Variants in SAMD4A observed in about 807,000 individuals in gnomAD.
SAMD4A encodes the protein protein Smaug homolog 1.
In SAMD4A, 33 loss-of-function variants were observed where a neutral mutation model predicts 81.3. The observed-to-expected ratio is 0.41, with a 90% CI of 0.31 to 0.54. The LOEUF (loss-of-function observed/expected upper bound fraction) is 0.54. Among genes scored for constraint, SAMD4A ranks in the 20% least tolerant of loss-of-function variants. The pLI is 0.37. For missense variants in SAMD4A, 854 were observed against 951.1 expected, an observed-to-expected ratio of 0.90 and a Z score of 1.34; for synonymous variants, 389 against 382.1, an observed-to-expected ratio of 1.02 and a Z score of -0.21.
chr14:54,696,721 T>G (rs1000692116), intron 2 of SAMD4A: 6 of 152,258 alleles, frequency 3.9e-5, no homozygotes, highest in Non-Finnish European at 7.3e-5. Flanking sequence ...TGGTCTTTAA[T>G]TATAGCTCTT....
chr14:54,772,418 A>C (rs913192416), intron 9 of SAMD4A, among the ~76,000 whole-genome samples: 1 of 152,204 alleles, frequency 6.6e-6, no homozygotes, highest in Non-Finnish European at 1.5e-5. Flanking sequence ...CTGGCTTTGT[A>C]ATAACCCTCG....
chr14:54,670,175 T>C lies in SAMD4A; in HGVS notation c.197-31887T>C, dbSNP rs1416423355. 2.0e-5 allele frequency among the ~76,000 whole-genome samples: 3 copies of C among 152,100 alleles called. No individual in the cohort carries two copies. The East Asian group carries it at 5.8e-4, about 29-fold the overall frequency. On this transcript the variant is annotated intron_variant, in intron 2 of 12. Coordinates refer to ENST00000554335, the MANE Select transcript of SAMD4A (RefSeq NM_015589.6). Reference sequence around the variant, plus strand: ...CAAGTCTGTCTGGCCCCATCCCTCATTCCCCGCCCCCATCTGCACCACCCT... The same window carrying C: ...CAAGTCTGTCTGGCCCCATCCCTCACTCCCCGCCCCCATCTGCACCACCCT...
At chr14:54,784,147 G>A (rs942598536) in intron 11 of SAMD4A, 1 of 569,774 alleles carries the variant, frequency 1.8e-6, no homozygotes, top group Non-Finnish European at 3.2e-6. Flanking sequence ...GTAGGAGGGG[G>A]CCTGGGGCAG....
At chr14:54,712,895 T>C (rs2037026215) in intron 3 of SAMD4A, among the ~76,000 whole-genome samples, 1 of 152,100 alleles carries the variant, frequency 6.6e-6, no homozygotes, top group Admixed American at 6.5e-5. Flanking sequence ...ACTTTAAAAA[T>C]AGGATGGATT....
Position 54,737,111 on chromosome 14 carries a change from A to G in SAMD4A, c.803A>G (p.His268Arg), listed in dbSNP as rs745554355. The stretch of plus-strand genomic sequence containing the variant: ...AATGTGCCAAACCAGCCTCTAGGAC[A>G]TGGATGGATGTCTCATGAGGACTTA... ...PMNVPNQPLG[H>R]GWMSHEDLRA... Residue 268 changes from histidine (H) to arginine (R), a missense_variant, in exon 4 of 13, where the codon CAT becomes CGT. Physicochemically the swap from His to Arg is conservative, Grantham distance 29. Around this residue, in one of 3 missense-constraint regions of SAMD4A, gnomAD observed 387 missense variants for 405.8 expected, o/e 0.95. Transcript: ENST00000554335. 3 of 1,614,070 alleles carry G rather than the reference A, an allele frequency of 1.9e-6. No homozygotes were observed. Among genetic ancestry groups the G allele is most frequent in the Admixed American group, 3.3e-5 (2 of 60,014 alleles).
intron 2 of SAMD4A, among the ~76,000 whole-genome samples, chr14:54,616,494 A>T (rs936443606): frequency 6.6e-6 from 1 of 152,210 alleles, no homozygotes; most frequent in African/African-American, 2.4e-5. Flanking sequence ...GGTTGTGTCC[A>T]TCAGTGCTCT....
chr14:54,639,953 A>G (rs1464224739), intron 2 of SAMD4A, among the ~76,000 whole-genome samples: 1 of 151,932 alleles, frequency 6.6e-6, no homozygotes, highest in Non-Finnish European at 1.5e-5. Context: ...AATTCTGCTT[A>G]TTTTCAATAG....
At chr14:54,609,834 A>G (rs1358554403) in intron 2 of SAMD4A, among the ~76,000 whole-genome samples, 1 of 152,236 alleles carries the variant, frequency 6.6e-6, no homozygotes, top group East Asian at 1.9e-4. Context: ...AAACTTGCTT[A>G]CAGGACCAAA....
intron 2 of SAMD4A, among the ~76,000 whole-genome samples, chr14:54,573,236 T>C (rs1416947628): frequency 1.3e-5 from 2 of 152,226 alleles, no homozygotes; most frequent in African/African-American, 4.8e-5. Context: ...AATTTGGGTT[T>C]GGTTGTATCG....
intron 2 of SAMD4A, among the ~76,000 whole-genome samples, chr14:54,695,080 TA>T (rs1470896376): frequency 6.6e-6 from 1 of 152,212 alleles, no homozygotes; most frequent in Non-Finnish European, 1.5e-5. Flanking sequence ...GTCCACTACA[TA>T]GATGCCTGCC....
intron 2 of SAMD4A, among the ~76,000 whole-genome samples, chr14:54,677,867 G>A (rs1318874033): frequency 6.6e-6 from 1 of 152,148 alleles, no homozygotes; most frequent in African/African-American, 2.4e-5. Context: ...GTCTTTTGGG[G>A]TTTACACTAG....
chr14:54,784,173 G>A, intron 11 of SAMD4A: 2 of 605,992 alleles, frequency 3.3e-6, no homozygotes, highest in Non-Finnish European at 3.0e-6. Flanking sequence ...AGGAAGGAGA[G>A]AGCTGTATGA....
chr14:54,784,723 G>T, intron 12 of SAMD4A, 103 bp downstream of exon 12: 1 of 1,059,618 alleles, frequency 9.4e-7, no homozygotes. Context: ...GGAGAATTGG[G>T]GGAGGACAAG....
Position 54,760,373 on chromosome 14 carries a change from C to T in SAMD4A, c.1389C>T (p.Pro463=), listed in dbSNP as rs1266194682. The T allele has an allele frequency of 3.2e-6, 5 of 1,553,634 alleles. No individual in the cohort carries two copies. The highest frequency in any genetic ancestry group is 2.4e-5 in the East Asian group (1 of 41,924). ...GAAATGATAT[P]SAGASGGLQP... ...CAGCCACTGGCGCCACGGCCACCCC[C>T]TCGGCCGGGGCCAGCGGGGGGCTCC... is the stretch of plus-strand genomic sequence containing the variant. The change falls in exon 7 of 13, where the codon CCC becomes CCT. Residue 463 remains proline (P), a synonymous_variant. Coordinates refer to ENST00000554335, the MANE Select transcript of SAMD4A (RefSeq NM_015589.6).
chr14:54,678,512 TGTGTAG>T (rs2036047165), intron 2 of SAMD4A, among the ~76,000 whole-genome samples: 2 of 112,624 alleles, frequency 1.8e-5, no homozygotes, highest in East Asian at 2.7e-4. Context: ...TGTGTGTGTG[TGTGTAG>T]GTCAGGTGGG....
At chr14:54,584,797 C>T (rs887990641) in intron 2 of SAMD4A, among the ~76,000 whole-genome samples, 77 of 152,214 alleles carry the variant, frequency 5.1e-4, no homozygotes, top group African/African-American at 1.7e-3. Context: ...GAATTTGACA[C>T]GTAGGCTATT....
rs1449395610 is a variant in SAMD4A at position 54,790,442 on chromosome 14, G to T, written c.*1498G>T. ...GGGAGGAAAAAGACACTCGTTACTT[G>T]GTGGGAGATTGAGAAACTGTGGTAC... is the stretch of plus-strand genomic sequence containing the variant. On this transcript the variant is annotated 3_prime_UTR_variant, in exon 13 of 13. Coordinates refer to ENST00000554335, the MANE Select transcript of SAMD4A (RefSeq NM_015589.6). 6.6e-6 allele frequency: 1 copy of T among 152,212 alleles called. No individual in the cohort carries two copies. Among genetic ancestry groups the T allele is most frequent in the African/African-American group, 2.4e-5 (1 of 41,454 alleles). 9.4% of individuals were successfully genotyped at this position (152,212 alleles called of 1,614,324 possible).
At chr14:54,666,276 G>A (rs1021164963) in intron 2 of SAMD4A, among the ~76,000 whole-genome samples, 1 of 152,220 alleles carries the variant, frequency 6.6e-6, no homozygotes, top group African/African-American at 2.4e-5. Context: ...AACAATGCCT[G>A]TGTGGGCGTC....
chr14:54,753,756 A>T (rs1445314175), intron 6 of SAMD4A, among the ~76,000 whole-genome samples: 1 of 152,172 alleles, frequency 6.6e-6, no homozygotes, highest in Non-Finnish European at 1.5e-5. Flanking sequence ...TCACGTGCAC[A>T]TCCGTGATTA....
Sources: gnomAD v4.1 joint callset for allele counts (sites outside exome capture counted in the v4.1 genomes callset) on GRCh38, gnomAD v4.1.1 for gene constraint, gnomAD v4.1.1 regional missense constraint, MANE v1.5 for transcripts, NCBI Gene and HGNC (gene_info 2026-07-23, HGNC 2026-07-21) for gene names.